The following DPP6 variants were observed in gnomAD, a reference collection of about 807,000 sequenced individuals.
DPP6 encodes A-type potassium channel modulatory protein DPP6.
DPP6 carries 69 observed loss-of-function variants against 122.6 expected under a neutral mutation model. That is an observed-to-expected ratio of 0.56 (90% CI 0.46 to 0.69). DPP6 has a LOEUF of 0.69. DPP6 is among the 30% of genes least tolerant of loss of function. The probability of loss-of-function intolerance (pLI) is 0.00; values close to 1 mark genes in which losing one functional copy is unlikely to be tolerated. For synonymous variants in DPP6, 418 were observed against 433.1 expected (o/e 0.97, Z 0.43); for missense variants, 928 against 1,116.9 (o/e 0.83, Z 2.41).
chr7:154,103,904 AT>A (rs1457942569), intron 1 of DPP6, among the ~76,000 whole-genome samples: 6 of 152,124 alleles, frequency 3.9e-5, no homozygotes, highest in African/African-American at 1.4e-4. Flanking sequence ...TGAAGGCTGC[AT>A]TGTCGGCTTC....
At chr7:154,529,984 G>T (rs1206546668) in intron 3 of DPP6, among the ~76,000 whole-genome samples, 3 of 152,120 alleles carry the variant, frequency 2.0e-5, no homozygotes, top group Non-Finnish European at 4.4e-5. Context: ...AAATTAGCTG[G>T]GCGTGGTGGC....
the DPP6 span, among the ~76,000 whole-genome samples, chr7:153,784,258 A>G: frequency 1.3e-5 from 2 of 152,194 alleles, no homozygotes; most frequent in Admixed American, 6.5e-5. Context: ...GCAAACCCTA[A>G]TTCGTCAATC....
intron 5 of DPP6, among the ~76,000 whole-genome samples, chr7:154,622,862 G>T (rs1412305890): frequency 6.6e-6 from 1 of 152,176 alleles, no homozygotes; most frequent in Admixed American, 6.5e-5. Flanking sequence ...ACCTTCTCTG[G>T]TCACTTTCAT....
At chr7:154,003,039 C>T (rs567025422) in intron 1 of DPP6, among the ~76,000 whole-genome samples, 28 of 152,004 alleles carry the variant, frequency 1.8e-4, no homozygotes, top group African/African-American at 6.0e-4. Flanking sequence ...GGAAAGAGGG[C>T]AAAAGGATGA....
intron 7 of DPP6, among the ~76,000 whole-genome samples, chr7:154,680,403 A>G (rs1316323638): frequency 6.6e-6 from 1 of 152,210 alleles, no homozygotes; most frequent in South Asian, 2.1e-4. Flanking sequence ...AAAGCTGGAA[A>G]TGTCCTAAGT....
chr7:154,443,493 TGGATTGACA>T (rs141366782), intron 1 of DPP6, among the ~76,000 whole-genome samples: 21,421 of 141,784 alleles, frequency 0.15, 3,836 homozygotes, highest in African/African-American at 0.34. Flanking sequence ...TGGATGGATG[TGGATTGACA>T]GATACATGGA....
chr7:154,331,442 A>G (rs937137655), intron 1 of DPP6, among the ~76,000 whole-genome samples: 1 of 152,178 alleles, frequency 6.6e-6, no homozygotes, highest in Non-Finnish European at 1.5e-5. Flanking sequence ...GTAGACAGGA[A>G]GAAAGAACTC....
intron 1 of DPP6, among the ~76,000 whole-genome samples, chr7:154,176,567 C>A (rs1222344718): frequency 6.6e-6 from 1 of 152,202 alleles, no homozygotes; most frequent in Non-Finnish European, 1.5e-5. Context: ...TATGTGTCTG[C>A]GTATGTGTGT....
chr7:154,155,812 G>A (rs972589882), intron 1 of DPP6, among the ~76,000 whole-genome samples: 42 of 152,312 alleles, frequency 2.8e-4, no homozygotes, highest in Non-Finnish European at 5.4e-4. Context: ...TGTATGTCCA[G>A]TCAACCTCAG....
intron 1 of DPP6, among the ~76,000 whole-genome samples, chr7:153,942,060 C>T (rs550933743): frequency 4.6e-5 from 7 of 152,350 alleles, no homozygotes; most frequent in African/African-American, 1.4e-4. Context: ...ACTGGATGAG[C>T]TGCTCCAGTG....
intron 1 of DPP6, among the ~76,000 whole-genome samples, chr7:154,085,279 C>G (rs1276320206): frequency 6.6e-6 from 1 of 152,104 alleles, no homozygotes; most frequent in Non-Finnish European, 1.5e-5. Context: ...CAAAGAATAT[C>G]CCATCGCCAC....
chr7:153,909,116 A>G (rs558535576), intron 1 of DPP6, among the ~76,000 whole-genome samples: 64 of 152,260 alleles, frequency 4.2e-4, no homozygotes, highest in African/African-American at 1.4e-3. Flanking sequence ...CATTCCTTCT[A>G]TGTTATCGTT....
intron 1 of DPP6, among the ~76,000 whole-genome samples, chr7:154,144,389 T>G (rs2150668942): frequency 6.6e-6 from 1 of 152,062 alleles, no homozygotes; most frequent in East Asian, 1.9e-4. Flanking sequence ...TAAAAATCTT[T>G]CCGTTTTATT....
the DPP6 span, among the ~76,000 whole-genome samples, chr7:153,754,303 A>T: frequency 6.6e-6 from 1 of 152,058 alleles, no homozygotes; most frequent in Non-Finnish European, 1.5e-5. Context: ...TCCTTAAAGG[A>T]TATATTTTCC....
At chr7:154,350,432 C>CT (rs1810754448) in intron 1 of DPP6, among the ~76,000 whole-genome samples, 1 of 152,114 alleles carries the variant, frequency 6.6e-6, no homozygotes, top group Non-Finnish European at 1.5e-5. Context: ...CTTCATGGAG[C>CT]TTGTGTGTGG....
chr7:154,015,657 T>C (rs1412331366), intron 1 of DPP6, among the ~76,000 whole-genome samples: 1 of 152,030 alleles, frequency 6.6e-6, no homozygotes, highest in Non-Finnish European at 1.5e-5. Flanking sequence ...TTTCACCTCA[T>C]CTAACCATTC....
intron 2 of DPP6, among the ~76,000 whole-genome samples, chr7:154,447,375 CTG>C (rs1469519667): frequency 6.6e-6 from 1 of 152,000 alleles, no homozygotes; most frequent in African/African-American, 2.4e-5. Flanking sequence ...CAGTATGTAA[CTG>C]TTTTATCCGT....
At chr7:154,298,268 C>CCCCACACACACACACACACA (rs1805671992) in intron 1 of DPP6, among the ~76,000 whole-genome samples, 1 of 150,338 alleles carries the variant, frequency 6.7e-6, no homozygotes, top group Non-Finnish European at 1.5e-5. Flanking sequence ...CTCTCTCTCT[C>CCCCACACACACACACACACA]CACACACACA....
At chr7:154,886,013 C>T (rs921355289) in intron 22 of DPP6, among the ~76,000 whole-genome samples, 14 of 152,360 alleles carry the variant, frequency 9.2e-5, no homozygotes, top group Admixed American at 7.2e-4. Flanking sequence ...AGCTAGTACT[C>T]CGCTGGCAGC....
Sources: gnomAD v4.1 joint callset for allele counts (sites outside exome capture counted in the v4.1 genomes callset) on GRCh38, gnomAD v4.1.1 for gene constraint, MANE v1.5 for transcripts, NCBI Gene and HGNC (gene_info 2026-07-23, HGNC 2026-07-21) for gene names.